ANKRD46: variants seen among roughly 807,000 people sequenced by gnomAD.
The protein encoded by ANKRD46 is ankyrin repeat domain-containing protein 46.
ANKRD46 carries 13 observed loss-of-function variants against 19.8 expected under a neutral mutation model. The observed-to-expected ratio is 0.66, with a 90% CI of 0.43 to 1.04. ANKRD46 has a LOEUF of 1.04. Among genes scored for constraint, ANKRD46 ranks in the 50% least tolerant of loss-of-function variants. The pLI is 0.00. For synonymous variants in ANKRD46, 91 were observed against 106.9 expected (o/e 0.85, Z 0.92); for missense variants, 185 against 274.8 (o/e 0.67, Z 2.31).
chr8:100,558,443 T>G (rs561807477), intron 1 of ANKRD46, among the ~76,000 whole-genome samples: 20 of 152,338 alleles, frequency 1.3e-4, no homozygotes, highest in Non-Finnish European at 2.8e-4. Context: ...TAATAAAGTG[T>G]GTTAACAACC....
downstream of ANKRD46, among the ~76,000 whole-genome samples, chr8:100,518,043 T>C (rs1803721439): frequency 6.6e-6 from 1 of 151,988 alleles, no homozygotes; most frequent in Non-Finnish European, 1.5e-5. Context: ...ATACAAAAAT[T>C]AGCCAGGCAT....
intron 1 of ANKRD46, among the ~76,000 whole-genome samples, chr8:100,538,885 G>C (rs893310191): frequency 6.6e-6 from 1 of 152,054 alleles, no homozygotes; most frequent in Non-Finnish European, 1.5e-5. Flanking sequence ...TGGATACTAA[G>C]GGATGACTGT....
In ANKRD46 at chr8:100,510,727, T is replaced by G; in HGVS notation, c.637-88A>C. 1.7e-6 allele frequency: 2 copies of G among 1,195,626 alleles called. No homozygotes were observed. Among genetic ancestry groups the G allele is most frequent in the Non-Finnish European group, 2.3e-6 (2 of 865,930 alleles). The allele number at this position is 1,195,626 out of a possible 1,614,324, so 74.1% of individuals were successfully genotyped here. ...GATGTGCCAGGACCAGATACAATCA[T>G]AAATATATAGAACCAGAAAGCACAG... On this transcript the variant is annotated intron_variant, in intron 5 of 5. Transcript: ENST00000520552. The surrounding 1 kb of genome is among the most constrained non-coding windows in gnomAD (Gnocchi z 4.9).
At chr8:100,538,079 C>T (rs1414992523) in intron 1 of ANKRD46, among the ~76,000 whole-genome samples, 1 of 152,144 alleles carries the variant, frequency 6.6e-6, no homozygotes, top group Non-Finnish European at 1.5e-5. Context: ...GACTGCAATG[C>T]CTGGCACATT....
At chr8:100,533,690 A>G (rs1415332464) in intron 1 of ANKRD46, among the ~76,000 whole-genome samples, 1 of 152,278 alleles carries the variant, frequency 6.6e-6, no homozygotes, top group African/African-American at 2.4e-5. Context: ...TTAGTCCACA[A>G]AAGCATTTTT....
chr8:100,551,675 T>C (rs1489476655), intron 1 of ANKRD46: 13 of 650,366 alleles, frequency 2.0e-5, no homozygotes, highest in Non-Finnish European at 5.8e-6. Flanking sequence ...GTGCCCAATA[T>C]GGCCCAAATC....
intron 5 of ANKRD46, among the ~76,000 whole-genome samples, chr8:100,514,778 TACAG>T (rs1811602219): frequency 6.6e-6 from 1 of 152,114 alleles, no homozygotes; most frequent in African/African-American, 2.4e-5. Flanking sequence ...TAGCTGGGAC[TACAG>T]ACACGTGCCA....
At chr8:100,518,462 G>A (rs942763573), downstream of ANKRD46, among the ~76,000 whole-genome samples, 2 of 152,138 alleles carry the variant, frequency 1.3e-5, no homozygotes, top group African/African-American at 4.8e-5. Flanking sequence ...TTTTTGAAAA[G>A]CGGTGCAATT....
At chr8:100,531,011 C>G (rs1811952480) in intron 2 of ANKRD46, among the ~76,000 whole-genome samples, 1 of 152,132 alleles carries the variant, frequency 6.6e-6, no homozygotes, top group Non-Finnish European at 1.5e-5. Flanking sequence ...CCCACTGGCG[C>G]ACCTGAACTC....
intron 1 of ANKRD46, among the ~76,000 whole-genome samples, chr8:100,541,986 G>A (rs572401462): frequency 1.3e-5 from 2 of 152,188 alleles, no homozygotes; most frequent in Non-Finnish European, 2.9e-5. Flanking sequence ...TCTAGGTTTG[G>A]GTAGTAAGTA....
At chr8:100,518,647 C>T (rs1206942860), downstream of ANKRD46, among the ~76,000 whole-genome samples, 5 of 151,990 alleles carry the variant, frequency 3.3e-5, no homozygotes, top group African/African-American at 9.7e-5. Flanking sequence ...GTCAGGAGAT[C>T]GAGACCATCC....
chr8:100,529,775 C>T lies in ANKRD46; in HGVS notation c.59G>A (p.Cys20Tyr), dbSNP rs1266989276. 6.2e-7 allele frequency: 1 copy of T among 1,614,116 alleles called. No homozygotes were observed. Among genetic ancestry groups the T allele is most frequent in the Non-Finnish European group, 8.5e-7 (1 of 1,180,060 alleles). The change falls in exon 3 of 5, where the codon TGT becomes TAT. Residue 20 changes from cysteine to tyrosine, a missense_variant. Coordinates refer to ENST00000335659, the MANE Select transcript of ANKRD46 (RefSeq NM_001270377.2). This position sits in a 1 kb window ranked among gnomAD's most constrained non-coding sequence, Gnocchi z 5.8. The stretch of plus-strand genomic sequence containing the variant: ...GGAATAATTAAAGTCCCCATCAATA[C>T]AGGCTTGCAGCAAGGGCACGTTAGT... The part of the protein sequence containing the change: ...SQTNVPLLQA[C>Y]IDGDFNYSKR...
intron 1 of ANKRD46, among the ~76,000 whole-genome samples, chr8:100,552,401 G>T (rs1812412590): frequency 1.3e-5 from 2 of 150,004 alleles, no homozygotes; most frequent in Non-Finnish European, 1.5e-5. Flanking sequence ...TTTAACATCA[G>T]TTATTGCCAG....
At position 100,524,459 on chromosome 8, in the gene ANKRD46, T is replaced by C. The variant is rs1249195593; in HGVS notation, c.471-1688A>G. Among the ~76,000 whole-genome samples the C allele has an allele frequency of 6.6e-6, 1 of 152,064 alleles. No individual in the cohort carries two copies. Among genetic ancestry groups the C allele is most frequent in the African/African-American group, 2.4e-5 (1 of 41,416 alleles). On this transcript the variant is annotated intron_variant, in intron 4 of 4. Transcript: ENST00000335659. The surrounding 1 kb of genome is among the most constrained non-coding windows in gnomAD (Gnocchi z 4.3). ...CAACATTAGAGGTCTTCTCTGATCATGGGAAACTGACTTCCTAATGGGCCA... is the reference window on the plus strand; with the variant it reads ...CAACATTAGAGGTCTTCTCTGATCACGGGAAACTGACTTCCTAATGGGCCA...
downstream of ANKRD46, among the ~76,000 whole-genome samples, chr8:100,517,897 A>G (rs540201660): frequency 6.6e-6 from 1 of 152,344 alleles, no homozygotes; most frequent in Admixed American, 6.5e-5. Context: ...GTACATCAAG[A>G]TGACTACATA....
At chr8:100,551,041 T>A in intron 1 of ANKRD46, 1 of 512,724 alleles carries the variant, frequency 2.0e-6, no homozygotes, top group South Asian at 1.6e-5. Flanking sequence ...GCTAGTGAGC[T>A]TCCTGTTCAG....
At chr8:100,548,513 A>G (rs1274590874) in intron 1 of ANKRD46, among the ~76,000 whole-genome samples, 1 of 152,192 alleles carries the variant, frequency 6.6e-6, no homozygotes, top group East Asian at 1.9e-4. Flanking sequence ...TATGTGCTTA[A>G]TCATGTATTG....
chr8:100,551,773 C>T (rs1812395671), intron 1 of ANKRD46: 2 of 460,734 alleles, frequency 4.3e-6, no homozygotes, highest in East Asian at 4.6e-5. Flanking sequence ...CCTCAGCCAG[C>T]ACCCATACCC....
In ANKRD46 at chr8:100,536,415, G is replaced by T. The variant is rs116409452; in HGVS notation, c.-130-3104C>A. 7.5e-3 allele frequency among the ~76,000 whole-genome samples: 1,148 copies of T among 152,246 alleles called. 18 individuals carry two copies. The highest frequency in any genetic ancestry group is 0.026 in the African/African-American group (1,066 of 41,542). ...TCCACCCAGAATGTATATGGAGCTG[G>T]ACTGCCTGGGTTTGAACCCCAGCTC... On this transcript the variant is annotated intron_variant, in intron 1 of 4. Transcript: ENST00000335659. The surrounding 1 kb of genome is among the most constrained non-coding windows in gnomAD (Gnocchi z 4.9).
Sources: gnomAD v4.1 joint callset for allele counts (sites outside exome capture counted in the v4.1 genomes callset) on GRCh38, gnomAD v4.1.1 for gene constraint, Gnocchi (gnomAD v3.1) non-coding constraint, MANE v1.5 for transcripts, NCBI Gene and HGNC (gene_info 2026-07-23, HGNC 2026-07-21) for gene names.